Variants in ENOX1 observed in about 807,000 individuals in gnomAD.
The protein encoded by ENOX1 is ecto-NOX disulfide-thiol exchanger 1.
In ENOX1, 42 loss-of-function variants were observed where a neutral mutation model predicts 82.5. That is an observed-to-expected ratio of 0.51 (90% CI 0.40 to 0.66). ENOX1 has a LOEUF of 0.66. Among genes scored for constraint, ENOX1 ranks in the 30% least tolerant of loss-of-function variants. ENOX1 has a pLI of 0.00. For missense variants in ENOX1, 608 were observed against 811.6 expected, an observed-to-expected ratio of 0.75 and a Z score of 3.05; for synonymous variants, 271 against 282.2, an observed-to-expected ratio of 0.96 and a Z score of 0.40.
chr13:43,579,655 A>G (rs1463850528), intron 2 of ENOX1, among the ~76,000 whole-genome samples: 1 of 152,254 alleles, frequency 6.6e-6, no homozygotes, highest in Non-Finnish European at 1.5e-5. Context: ...GAGCACAGGC[A>G]TTCTGGGAGA....
chr13:43,434,111 G>A (rs2055852259), intron 3 of ENOX1, among the ~76,000 whole-genome samples: 1 of 152,208 alleles, frequency 6.6e-6, no homozygotes, highest in Non-Finnish European at 1.5e-5. Context: ...ATGCAGTTCA[G>A]ATTCATGCCT....
chr13:43,724,151 CTTTCT>C (rs1056036117), intron 1 of ENOX1, among the ~76,000 whole-genome samples: 3 of 152,204 alleles, frequency 2.0e-5, no homozygotes, highest in Admixed American at 6.5e-5. Flanking sequence ...TTTTCATGCT[CTTTCT>C]TTTAACTACT....
At chr13:43,642,659 T>C (rs183097808) in intron 2 of ENOX1, among the ~76,000 whole-genome samples, 121 of 152,312 alleles carry the variant, frequency 7.9e-4, no homozygotes, top group Non-Finnish European at 1.3e-3. Flanking sequence ...GAGAGGAAAG[T>C]ATAGACTTCA....
intron 1 of ENOX1, among the ~76,000 whole-genome samples, chr13:43,693,161 T>C (rs920269812): frequency 6.6e-6 from 1 of 152,132 alleles, no homozygotes; most frequent in Admixed American, 6.5e-5. Context: ...CTCTAAGAGG[T>C]GGAACTATGA....
intron 3 of ENOX1, among the ~76,000 whole-genome samples, chr13:43,438,117 G>A (rs111901954): frequency 0.017 from 2,627 of 152,274 alleles, 64 homozygotes; most frequent in African/African-American, 0.059. Context: ...AGTGGAGAAC[G>A]ATGCTAACAA....
chr13:43,748,228 A>G (rs1293620248), intron 1 of ENOX1, among the ~76,000 whole-genome samples: 1 of 152,200 alleles, frequency 6.6e-6, no homozygotes, highest in African/African-American at 2.4e-5. Flanking sequence ...ACTCTGAGAA[A>G]CAGTCCATGG....
At chr13:43,351,104 G>T (rs2153552016) in intron 8 of ENOX1, among the ~76,000 whole-genome samples, 1 of 152,304 alleles carries the variant, frequency 6.6e-6, no homozygotes, top group East Asian at 1.9e-4. Context: ...AGTCATCTAA[G>T]CAGATTTGGA....
Position 43,786,141 on chromosome 13 carries a change from G to T in ENOX1, c.-285+511C>A, listed in dbSNP as rs918004249. ...GACTAGGCGGGGAGGAAAGTTTCCGGCCCGCAGCAGAGCGGAGTCCGCCAA... is the reference window on the plus strand; with the variant it reads ...GACTAGGCGGGGAGGAAAGTTTCCGTCCCGCAGCAGAGCGGAGTCCGCCAA... On this transcript the variant is annotated intron_variant, in intron 1 of 16. Coordinates refer to ENST00000690772, the MANE Select transcript of ENOX1 (RefSeq NM_001347969.2). The surrounding 1 kb of genome is among the most constrained non-coding windows in gnomAD (Gnocchi z 6.0). Among the ~76,000 whole-genome samples the T allele has an allele frequency of 3.3e-5, 5 of 152,202 alleles. No homozygotes were observed. Among genetic ancestry groups the T allele is most frequent in the Non-Finnish European group, 7.3e-5 (5 of 68,032 alleles).
rs79458992 is a variant in ENOX1, at chr13:43,688,288, G to C, written c.-284-20744C>G. On this transcript the variant is annotated intron_variant, in intron 1 of 16. Transcript: ENST00000690772. ...TGGAGAATGGATTATAAAACTGTGA[G>C]ACTAGATGTGTAGAAACCACTTAGG... 9.0e-3 allele frequency among the ~76,000 whole-genome samples: 1,364 copies of C among 152,236 alleles called. 21 individuals are homozygous for C. Among genetic ancestry groups the C allele is most frequent in the African/African-American group, 0.031 (1,293 of 41,542 alleles).
At chr13:43,330,757 C>T (rs571135618) in intron 9 of ENOX1, among the ~76,000 whole-genome samples, 22 of 152,298 alleles carry the variant, frequency 1.4e-4, no homozygotes, top group Middle Eastern at 6.8e-3. Context: ...GATGAAGTTG[C>T]TAATCACTCC....
At chr13:43,694,885 C>T (rs1334828600) in intron 1 of ENOX1, among the ~76,000 whole-genome samples, 1 of 152,172 alleles carries the variant, frequency 6.6e-6, no homozygotes, top group East Asian at 1.9e-4. Context: ...TAACTAAAAT[C>T]TTCCCCTTAA....
At chr13:43,484,629 G>C (rs2080344505) in intron 2 of ENOX1, among the ~76,000 whole-genome samples, 1 of 152,168 alleles carries the variant, frequency 6.6e-6, no homozygotes, top group Non-Finnish European at 1.5e-5. Context: ...AAAGGCCTTA[G>C]GGCAGGTACT....
At position 43,247,850 on chromosome 13, in the gene ENOX1, TATATATATATATATATA is replaced by T. The variant is rs2043177767; in HGVS notation, c.1612-11129_1612-11113del. Among the ~76,000 whole-genome samples the T allele has an allele frequency of 2.7e-3, 6 of 2,192 alleles. No homozygotes were observed. In the South Asian group the frequency reaches 0.083, roughly 30 times the overall value. The allele number at this position is 2,192 out of a possible 152,430, so 1.4% of individuals were successfully genotyped here. On this transcript the variant is annotated intron_variant, in intron 14 of 16. Coordinates refer to ENST00000690772, the MANE Select transcript of ENOX1 (RefSeq NM_001347969.2). ...CAACATATATATATATATATATATA[TATATATATATATATATA>T]TATATATATATATATATTTTTTTTT...
At chr13:43,298,670 G>A in intron 11 of ENOX1, 140 bp from the exon 12 acceptor site, 1 of 652,544 alleles carries the variant, frequency 1.5e-6, no homozygotes, top group Non-Finnish European at 2.5e-6. Context: ...CCACTCCCTG[G>A]GCCTCTCTTT....
In ENOX1 at chr13:43,265,468, G is replaced by C; in HGVS notation, c.1555-14C>G. ...GGTACCTTTTAACTGCAAATTTTAA[G>C]GAAAAACAACACAAAACAAAAAAAT... is the stretch of plus-strand genomic sequence containing the variant. On this transcript the variant is annotated splice_polypyrimidine_tract_variant and intron_variant, in intron 13 of 16. Transcript: ENST00000690772. The C allele has an allele frequency of 6.2e-7, 1 of 1,607,082 alleles. No individual in the cohort carries two copies. The highest frequency in any genetic ancestry group is 8.5e-7 in the Non-Finnish European group (1 of 1,176,398).
chr13:43,764,074 A>G lies in ENOX1; in HGVS notation c.-285+22578T>C, dbSNP rs533496419. Among the ~76,000 whole-genome samples, 8 of 152,320 alleles carry G rather than the reference A, an allele frequency of 5.3e-5. No homozygotes were observed. The East Asian group carries it at 1.2e-3, about 22-fold the overall frequency. ...TACCGCTGACATAAAACACCTATTT[A>G]AAACCTGCCTACTGCAGCTTAATAG... On this transcript the variant is annotated intron_variant, in intron 1 of 16. Transcript: ENST00000690772.
intron 3 of ENOX1, among the ~76,000 whole-genome samples, chr13:43,432,859 A>G (rs973143309): frequency 2.6e-5 from 4 of 151,932 alleles, no homozygotes; most frequent in Admixed American, 6.6e-5. Flanking sequence ...ACCTCAAAGG[A>G]GCAGCGCTGC....
intron 2 of ENOX1, among the ~76,000 whole-genome samples, chr13:43,646,093 C>G (rs1398584477): frequency 6.6e-6 from 1 of 152,206 alleles, no homozygotes. Context: ...ACAGATCCAA[C>G]AGGTATGAAG....
At chr13:43,610,556 G>A (rs527532756) in intron 2 of ENOX1, among the ~76,000 whole-genome samples, 6 of 152,232 alleles carry the variant, frequency 3.9e-5, no homozygotes, top group African/African-American at 1.2e-4. Context: ...ATTAGTTCAC[G>A]CACTAAATGA....
Sources: gnomAD v4.1 joint callset for allele counts (sites outside exome capture counted in the v4.1 genomes callset) on GRCh38, gnomAD v4.1.1 for gene constraint, Gnocchi (gnomAD v3.1) non-coding constraint, MANE v1.5 for transcripts, NCBI Gene and HGNC (gene_info 2026-07-23, HGNC 2026-07-21) for gene names.